SASH1: variants seen among roughly 807,000 people sequenced by gnomAD.
SASH1 encodes the protein SAM and SH3 domain containing 1.
SASH1 carries 44 observed loss-of-function variants against 125.2 expected under a neutral mutation model. That is an observed-to-expected ratio of 0.35 (90% confidence interval 0.28 to 0.45). The LOEUF is 0.45. Ranked by LOEUF, SASH1 falls within the 20% of genes least tolerant of loss-of-function variation. The pLI is 1.00. For synonymous variants in SASH1, 639 were observed against 649.1 expected, an observed-to-expected ratio of 0.98 and a Z score of 0.24; for missense variants, 1,426 against 1,614.5, an observed-to-expected ratio of 0.88 and a Z score of 2.00.
At chr6:148,472,082 G>C (rs1778147040) in intron 6 of SASH1, among the ~76,000 whole-genome samples, 1 of 152,122 alleles carries the variant, frequency 6.6e-6, no homozygotes, top group South Asian at 2.1e-4. Context: ...TCCCTTTGAG[G>C]CTCAGTTACA....
intron 1 of SASH1, among the ~76,000 whole-genome samples, chr6:148,384,249 A>G (rs1334947771): frequency 6.6e-6 from 1 of 152,236 alleles, no homozygotes; most frequent in Non-Finnish European, 1.5e-5. Context: ...ACGTTTTCCC[A>G]TGTTCCTAAA....
chr6:148,303,810 T>G (rs955418483), intron 1 of SASH1, among the ~76,000 whole-genome samples: 1 of 149,774 alleles, frequency 6.7e-6, no homozygotes, highest in Non-Finnish European at 1.5e-5. Flanking sequence ...AATAAATAAA[T>G]AAATAAATAA....
chr6:148,487,176 T>C (rs1186366136), intron 7 of SASH1, among the ~76,000 whole-genome samples: 1 of 149,810 alleles, frequency 6.7e-6, no homozygotes, highest in East Asian at 2.0e-4. Flanking sequence ...ATGTCTGTAG[T>C]CTGTCATTTT....
intron 1 of SASH1, among the ~76,000 whole-genome samples, chr6:148,358,911 A>G (rs2114696666): frequency 6.6e-6 from 1 of 150,684 alleles, no homozygotes; most frequent in African/African-American, 2.4e-5. Flanking sequence ...AATTTTTTGT[A>G]TTTTTAGTAG....
chr6:148,351,650 CTTT>C (rs67177596), intron 1 of SASH1, among the ~76,000 whole-genome samples: 7 of 116,006 alleles, frequency 6.0e-5, no homozygotes, highest in Non-Finnish European at 5.1e-5. Flanking sequence ...TTACTCACCG[CTTT>C]TTTTTTTTTT....
chr6:148,405,059 C>T (rs913968410), intron 2 of SASH1, among the ~76,000 whole-genome samples: 9 of 152,004 alleles, frequency 5.9e-5, no homozygotes, highest in African/African-American at 2.2e-4. Context: ...TGACTGAAAG[C>T]TTGCAGAACT....
chr6:148,263,137 C>T, the SASH1 span, among the ~76,000 whole-genome samples: 12 of 152,156 alleles, frequency 7.9e-5, no homozygotes, highest in African/African-American at 2.9e-4. Flanking sequence ...CTTAACTCCT[C>T]CAGGGTACCT....
intron 7 of SASH1, among the ~76,000 whole-genome samples, chr6:148,484,920 A>G (rs893383640): frequency 6.6e-6 from 1 of 152,150 alleles, no homozygotes; most frequent in Non-Finnish European, 1.5e-5. Context: ...TCCAGCCTGG[A>G]CAACAGAGCG....
chr6:148,415,990 G>C (rs896418545), intron 2 of SASH1, among the ~76,000 whole-genome samples: 2 of 152,204 alleles, frequency 1.3e-5, no homozygotes, highest in Non-Finnish European at 2.9e-5. Flanking sequence ...CGGTAAAGGA[G>C]ATCCCACACT....
chr6:148,511,469 G>T (rs1780135603), intron 8 of SASH1, among the ~76,000 whole-genome samples: 1 of 151,782 alleles, frequency 6.6e-6, no homozygotes, highest in Non-Finnish European at 1.5e-5. Context: ...TGGAAAAGAA[G>T]GACTTGGTTG....
chr6:148,305,333 C>T (rs1006371580), intron 1 of SASH1, among the ~76,000 whole-genome samples: 2 of 151,950 alleles, frequency 1.3e-5, no homozygotes, highest in Non-Finnish European at 2.9e-5. Flanking sequence ...CTTGACAAGG[C>T]GCAGTGGCTC....
At position 148,527,728 on chromosome 6, in the gene SASH1, T is replaced by C. The variant is rs1781268461; in HGVS notation, c.1428+132T>C. The C allele has an allele frequency of 3.5e-6, 3 of 863,916 alleles. No individual in the cohort carries two copies. In the South Asian group the frequency reaches 5.0e-5, roughly 14 times the overall value. 53.5% of individuals were successfully genotyped at this position (863,916 alleles called of 1,614,324 possible). ...ATTAACCTGCTCCAAGTCCGTGCTT[T>C]ATTTACGTAGAGAAACACTGAATTC... On this transcript the variant is annotated intron_variant, in intron 12 of 19. Coordinates refer to ENST00000367467, the MANE Select transcript of SASH1 (RefSeq NM_015278.5).
chr6:148,204,558 G>A, the SASH1 span, among the ~76,000 whole-genome samples: 8 of 152,108 alleles, frequency 5.3e-5, no homozygotes, highest in Non-Finnish European at 7.4e-5. Context: ...CAGGCATGGT[G>A]GCAGGCACCT....
At chr6:148,468,646 A>C in intron 5 of SASH1, 61 bp downstream of exon 5, 2 of 1,036,382 alleles carry the variant, frequency 1.9e-6, no homozygotes, top group South Asian at 2.9e-5. Flanking sequence ...AGAAAACACG[A>C]ATATGTGAAA....
At chr6:148,393,456 G>A (rs181255297) in intron 2 of SASH1, among the ~76,000 whole-genome samples, 1 of 152,126 alleles carries the variant, frequency 6.6e-6, no homozygotes, top group East Asian at 1.9e-4. Flanking sequence ...GCTGTGAACT[G>A]GCAGAAGACA....
chr6:148,269,717 G>A (rs1034854561), upstream of SASH1, among the ~76,000 whole-genome samples: 1 of 152,114 alleles, frequency 6.6e-6, no homozygotes, highest in Non-Finnish European at 1.5e-5. Flanking sequence ...TTCAAATAAG[G>A]TCATATTCTG....
chr6:148,433,356 G>A (rs956031263), intron 2 of SASH1, among the ~76,000 whole-genome samples: 2 of 150,954 alleles, frequency 1.3e-5, no homozygotes, highest in Non-Finnish European at 2.9e-5. Flanking sequence ...TTCAATACTA[G>A]CCATGACCTA....
In SASH1 at chr6:148,543,718, T is replaced by A; in HGVS notation, c.2248T>A (p.Ser750Thr). The change falls in exon 18 of 20, where the codon TCC (serine) becomes ACC (threonine). Residue 750 changes from serine to threonine, a missense_variant. Coordinates refer to ENST00000367467, the MANE Select transcript of SASH1 (RefSeq NM_015278.5). Reference sequence around the variant, plus strand: ...AGCTAGCCTCCTATCTGCCAAGTCATCCACCGAGCCCAGCTTGAAGTCTTT... The same window carrying A: ...AGCTAGCCTCCTATCTGCCAAGTCAACCACCGAGCCCAGCTTGAAGTCTTT... ...RKASLLSAKSSTEPSLKSFSR... is the reference protein window; with the variant it reads ...RKASLLSAKSTTEPSLKSFSR... 6.4e-7 allele frequency: 1 copy of A among 1,568,236 alleles called. No homozygotes were observed. Among genetic ancestry groups the A allele is most frequent in the East Asian group, 2.3e-5 (1 of 44,258 alleles).
At chr6:148,345,046 G>T (rs533613095) in intron 1 of SASH1, among the ~76,000 whole-genome samples, 1 of 152,284 alleles carries the variant, frequency 6.6e-6, no homozygotes, top group South Asian at 2.1e-4. Flanking sequence ...GAGCCACCGC[G>T]CCCGATAGAC....
Sources: gnomAD v4.1 joint callset for allele counts (sites outside exome capture counted in the v4.1 genomes callset) on GRCh38, gnomAD v4.1.1 for gene constraint, MANE v1.5 for transcripts, NCBI Gene and HGNC (gene_info 2026-07-23, HGNC 2026-07-21) for gene names.